Variants in METTL6 observed in about 807,000 individuals in gnomAD.
METTL6 encodes methyltransferase 6, tRNA N3-cytidine, also known as tRNA N(3)-cytidine methyltransferase METTL6.
Under a neutral mutation model 26.4 loss-of-function variants are expected in METTL6, and 22 were observed. The ratio of observed to expected loss-of-function variants is 0.83; its 90% CI spans 0.59 to 1.19. METTL6 has a LOEUF of 1.19. Among genes scored for constraint, METTL6 ranks in the 50% most tolerant of loss-of-function variants. The pLI is 0.00. For missense variants in METTL6, 304 were observed against 324.8 expected (o/e 0.94, Z 0.49); for synonymous variants, 109 against 116.2 (o/e 0.94, Z 0.40).
Position 15,415,907 on chromosome 3 carries a change from T to C in METTL6, c.396A>G (p.Val132=), listed in dbSNP as rs1700185079. ...NPLYDTERCK[V]FQCDLTKDDL... is the part of the protein sequence containing the mutation. ...CATCTTTAGTCAGATCACACTGGAATACCTTGCATCTTTCTGTATCATATA... is the reference window on the plus strand; with the variant it reads ...CATCTTTAGTCAGATCACACTGGAACACCTTGCATCTTTCTGTATCATATA... The change falls in exon 4 of 6, where the codon GTA becomes GTG. Residue 132 remains valine, a synonymous_variant. Coordinates refer to ENST00000383790, the MANE Select transcript of METTL6 (RefSeq NM_152396.4). The C allele has an allele frequency of 6.2e-7, 1 of 1,613,418 alleles. No homozygotes were observed. The highest frequency in any genetic ancestry group is 1.3e-5 in the African/African-American group (1 of 74,914).
chr3:15,393,463 C>T (rs997008478), intron 6 of METTL6, among the ~76,000 whole-genome samples: 1 of 152,222 alleles, frequency 6.6e-6, no homozygotes, highest in African/African-American at 2.4e-5. Context: ...TTGACTTCCT[C>T]TTTTCATGAT....
In METTL6 at chr3:15,410,017, G is replaced by A. The variant is rs113852243; in HGVS notation, c.*1239C>T. Among the ~76,000 whole-genome samples the A allele has an allele frequency of 0.012, 1,758 of 152,170 alleles. 10 individuals are homozygous for A. Among genetic ancestry groups the A allele is most frequent in the Non-Finnish European group, 0.016 (1,122 of 68,014 alleles). ...TGAGTAATGACAAGAATCTCTTTACGTGCTACAGGGTCCTTAGGCTTTTCT... is the reference window on the plus strand; with the variant it reads ...TGAGTAATGACAAGAATCTCTTTACATGCTACAGGGTCCTTAGGCTTTTCT... On this transcript the variant is annotated 3_prime_UTR_variant, in exon 6 of 6. Transcript: ENST00000383790.
intron 6 of METTL6, among the ~76,000 whole-genome samples, chr3:15,394,138 T>G (rs1432795276): frequency 6.6e-6 from 1 of 152,234 alleles, no homozygotes; most frequent in African/African-American, 2.4e-5. Context: ...GGACTTTTTT[T>G]GGTTGGTAAG....
chr3:15,426,266 T>G (rs550401900), intron 2 of METTL6, 21 bp downstream of exon 2: 24 of 1,606,160 alleles, frequency 1.5e-5, no homozygotes, highest in Non-Finnish European at 1.8e-5. Context: ...ACAGCTCAGA[T>G]AAGGCGTAAT....
chr3:15,393,073 T>A (rs1699392326), intron 6 of METTL6, among the ~76,000 whole-genome samples: 1 of 152,220 alleles, frequency 6.6e-6, no homozygotes, highest in Non-Finnish European at 1.5e-5. Context: ...ATTGAATCTA[T>A]AAATTACCTT....
chr3:15,383,027 G>C (rs2124879530), exon 7 of METTL6: 1 of 152,292 alleles, frequency 6.6e-6, no homozygotes. Flanking sequence ...ATTTCAGTTA[G>C]CCAGGGGGAA....
intron 6 of METTL6, among the ~76,000 whole-genome samples, chr3:15,402,593 G>A (rs1559483796): frequency 6.6e-6 from 1 of 151,892 alleles, no homozygotes; most frequent in Non-Finnish European, 1.5e-5. Flanking sequence ...AATTAAGCAG[G>A]CGTGGTGGCA....
At chr3:15,424,111 T>C (rs1012470945) in intron 3 of METTL6, among the ~76,000 whole-genome samples, 1 of 151,416 alleles carries the variant, frequency 6.6e-6, no homozygotes, top group Non-Finnish European at 1.5e-5. Context: ...GCCCAGGAGG[T>C]TGAGGCTGTG....
intron 6 of METTL6, among the ~76,000 whole-genome samples, chr3:15,403,617 A>T (rs1699706376): frequency 6.6e-6 from 1 of 152,214 alleles, no homozygotes; most frequent in Non-Finnish European, 1.5e-5. Flanking sequence ...GGCTGAGTGA[A>T]CATATGACTG....
At chr3:15,401,778 C>T (rs113118638) in intron 6 of METTL6, among the ~76,000 whole-genome samples, 1 of 152,128 alleles carries the variant, frequency 6.6e-6, no homozygotes. Context: ...CCTATATGGT[C>T]TTAAGTGGGG....
chr3:15,405,535 C>T (rs1217655631), downstream of METTL6, among the ~76,000 whole-genome samples: 1 of 152,150 alleles, frequency 6.6e-6, no homozygotes, highest in Non-Finnish European at 1.5e-5. Context: ...ATAATCCATG[C>T]TCTTCAGTAA....
At chr3:15,392,643 A>C (rs1407449399) in intron 6 of METTL6, among the ~76,000 whole-genome samples, 1 of 152,142 alleles carries the variant, frequency 6.6e-6, no homozygotes, top group East Asian at 1.9e-4. Flanking sequence ...TAACATTTAA[A>C]TCTTTAATCC....
intron 6 of METTL6, among the ~76,000 whole-genome samples, chr3:15,395,191 G>T (rs1341471962): frequency 6.6e-6 from 1 of 152,116 alleles, no homozygotes; most frequent in East Asian, 1.9e-4. Context: ...TCCTGTATTG[G>T]GTGCATATAT....
rs372818368 is a variant in METTL6 at position 15,410,379 on chromosome 3, G to C, written c.*877C>G. ...GCTCTGTCGCCCAGGCTGGAGTGCAGTAGCGTGATCTCGACTTACTGCAAC... is the reference window on the plus strand; with the variant it reads ...GCTCTGTCGCCCAGGCTGGAGTGCACTAGCGTGATCTCGACTTACTGCAAC... On this transcript the variant is annotated 3_prime_UTR_variant, in exon 6 of 6. Coordinates refer to ENST00000383790, the MANE Select transcript of METTL6 (RefSeq NM_152396.4). Among the ~76,000 whole-genome samples the C allele has an allele frequency of 9.2e-5, 14 of 151,502 alleles. No homozygotes were observed. The highest frequency in any genetic ancestry group is 3.2e-4 in the African/African-American group (13 of 41,222).
chr3:15,389,965 A>C (rs1297484635), intron 6 of METTL6, among the ~76,000 whole-genome samples: 1 of 151,250 alleles, frequency 6.6e-6, no homozygotes, highest in Non-Finnish European at 1.5e-5. Context: ...GGATCCTCCC[A>C]AGGGAGGCAC....
chr3:15,388,089 T>TTTG (rs71632851), intron 6 of METTL6, among the ~76,000 whole-genome samples: 5,005 of 150,464 alleles, frequency 0.033, 113 homozygotes, highest in South Asian at 0.1. Flanking sequence ...AAATAAGAGT[T>TTTG]TTGTTGTTGT....
upstream of METTL6, chr3:15,427,581 C>T (rs369500475): frequency 8.6e-6 from 5 of 580,594 alleles, no homozygotes; most frequent in African/African-American, 3.9e-5. Context: ...GTCCCACGGC[C>T]TTGCCTCCTC....
chr3:15,387,999 C>CA (rs908728026), intron 6 of METTL6, among the ~76,000 whole-genome samples: 1 of 151,972 alleles, frequency 6.6e-6, no homozygotes, highest in South Asian at 2.1e-4. Flanking sequence ...CTGCAGTAGA[C>CA]AAAGAGTAAT....
intron 5 of METTL6, among the ~76,000 whole-genome samples, chr3:15,413,278 T>C (rs934322069): frequency 6.6e-6 from 1 of 151,804 alleles, no homozygotes; most frequent in Admixed American, 6.6e-5. Context: ...GCATATTTAT[T>C]TAAAAACAGA....
Sources: allele counts gnomAD v4.1 joint callset (sites outside exome capture counted in the v4.1 genomes callset), GRCh38; gene constraint gnomAD v4.1.1; transcripts MANE v1.5; gene names NCBI Gene and HGNC (gene_info 2026-07-23, HGNC 2026-07-21).